The following RBCK1 variants were observed in gnomAD, a reference collection of about 807,000 sequenced individuals.
The protein encoded by RBCK1 is ranBP-type and C3HC4-type zinc finger-containing protein 1.
A neutral mutation model predicts 71.1 loss-of-function variants in RBCK1; 44 were observed. The ratio of observed to expected loss-of-function variants is 0.62; its 90% CI spans 0.49 to 0.80. RBCK1 has a LOEUF of 0.80. Among genes scored for constraint, RBCK1 ranks in the 30% least tolerant of loss-of-function variants. RBCK1 has a pLI of 0.00. For missense variants in RBCK1, 569 were observed against 685.0 expected (o/e 0.83, Z 1.89); for synonymous variants, 306 against 279.7 (o/e 1.09, Z -0.94).
chr20:421,434 G>A (rs1275496914), intron 7 of RBCK1, among the ~76,000 whole-genome samples: 1 of 152,234 alleles, frequency 6.6e-6, no homozygotes, highest in Non-Finnish European at 1.5e-5. Context: ...CCCTTGTGGA[G>A]CCGCCCCTGG....
chr20:420,947 A>T lies in RBCK1; in HGVS notation c.833A>T (p.Glu278Val), dbSNP rs758729708. 74 of 1,555,178 alleles carry T rather than the reference A, an allele frequency of 4.8e-5. No individual in the cohort carries two copies. Among genetic ancestry groups the T allele is most frequent in the Non-Finnish European group, 8.7e-6 (10 of 1,151,076 alleles). The change falls in exon 7 of 12, where the codon GAG (glutamate) becomes GTG (valine). Residue 278 changes from glutamate (E) to valine (V), a missense_variant. Physicochemically the swap from Glu to Val is moderately radical, Grantham distance 121. Transcript: ENST00000356286. ...LDQRSLVLNTEPAECPVCYSV... is the reference protein window; with the variant it reads ...LDQRSLVLNTVPAECPVCYSV... ...CAGAGGAGCCTGGTGCTGAACACGG[A>T]GCCCGCCGAGTGCCCCGTGTGCTAC...
intron 2 of RBCK1, among the ~76,000 whole-genome samples, chr20:411,503 G>A (rs886096864): frequency 6.6e-6 from 1 of 152,144 alleles, no homozygotes; most frequent in Non-Finnish European, 1.5e-5. Flanking sequence ...GAGTAGCTGG[G>A]ACTACAGGCG....
chr20:430,498 G>T lies in RBCK1; in HGVS notation c.*68G>T. 1 of 1,495,718 alleles carries T rather than the reference G, an allele frequency of 6.7e-7. No individual in the cohort carries two copies. The highest frequency in any genetic ancestry group is 2.3e-5 in the East Asian group (1 of 44,280). The allele number at this position is 1,495,718 out of a possible 1,614,324, so 92.7% of individuals were successfully genotyped here. A position where few individuals can be genotyped will look rare whatever the true frequency, so the allele number is the denominator to read the frequency against. On this transcript the variant is annotated 3_prime_UTR_variant, in exon 12 of 12. Coordinates refer to ENST00000356286, the MANE Select transcript of RBCK1 (RefSeq NM_031229.4). This position sits in a 1 kb window ranked among gnomAD's most constrained non-coding sequence, Gnocchi z 5.6. ...ACATTCTGTTAGAATGTAGCTCAGG[G>T]AGCTTCGTGGACGGCCTTGCTTGCT...
chr20:420,315 GAC>G, intron 6 of RBCK1: 2 of 983,448 alleles, frequency 2.0e-6, no homozygotes, highest in Non-Finnish European at 2.4e-6. Context: ...ACGCACTAAT[GAC>G]ACAGACATTG....
In RBCK1 at chr20:417,917, G is replaced by A. The variant is rs1472722384; in HGVS notation, c.447G>A (p.Leu149=). Residue 149 remains leucine, a synonymous_variant, in exon 4 of 12, where the codon CTG becomes CTA. Transcript: ENST00000356286. This position sits in a 1 kb window ranked among gnomAD's most constrained non-coding sequence, Gnocchi z 4.7. ...NPQELQRERQ[L]RMLEDLGFKD... ...AGGAGCTGCAGCGGGAGCGGCAGCT[G>A]CGGATGCTGGAAGGTGAGGCTCTGC... The A allele has an allele frequency of 6.2e-7, 1 of 1,607,432 alleles. No individual in the cohort carries two copies. The highest frequency in any genetic ancestry group is 1.1e-5 in the South Asian group (1 of 91,036).
At chr20:419,155 A>T (rs2016206037) in intron 4 of RBCK1, among the ~76,000 whole-genome samples, 192 bp from the exon 5 acceptor site, 2 of 152,208 alleles carry the variant, frequency 1.3e-5, no homozygotes, top group South Asian at 2.1e-4. Context: ...AGAAGCATTT[A>T]TCGGTGGAAT....
intron 4 of RBCK1, among the ~76,000 whole-genome samples, chr20:418,665 A>G (rs113621551): frequency 1.2e-4 from 18 of 152,258 alleles, no homozygotes; most frequent in East Asian, 5.8e-4. Context: ...ACCACGCCCA[A>G]CCCACATTTG....
At position 419,550 on chromosome 20, in the gene RBCK1, G is replaced by C. The variant is rs2016239772; in HGVS notation, c.583-8G>C. 6.2e-7 allele frequency: 1 copy of C among 1,606,474 alleles called. No individual in the cohort carries two copies. On this transcript the variant is annotated splice_polypyrimidine_tract_variant and splice_region_variant and intron_variant, in intron 5 of 11. Coordinates refer to ENST00000356286, the MANE Select transcript of RBCK1 (RefSeq NM_031229.4). ...CCCAGTCGGGCTCACAGCACCCTCT[G>C]CTCCCAGGTGGGCTGGCAGTGCCCC...
rs2122224025 is a variant in RBCK1 at position 417,403 on chromosome 20, GT to G, written c.168-122del. ...CTACCCCAGACTGGGGTTTGTGTGT[GT>G]GTGTGTGTGTGTGTGTGTGCATGGC... On this transcript the variant is annotated intron_variant, in intron 2 of 11. Transcript: ENST00000356286. The surrounding 1 kb of genome is among the most constrained non-coding windows in gnomAD (Gnocchi z 4.7). The G allele has an allele frequency of 1.2e-6, 1 of 843,914 alleles. No individual in the cohort carries two copies. The allele number at this position is 843,914 out of a possible 1,614,324, so 52.3% of individuals were successfully genotyped here. A position where few individuals can be genotyped will look rare whatever the true frequency, so the allele number is the denominator to read the frequency against.
chr20:418,529 C>T (rs533062130), intron 4 of RBCK1, among the ~76,000 whole-genome samples: 9 of 152,210 alleles, frequency 5.9e-5, no homozygotes, highest in East Asian at 5.8e-4. Context: ...CCACCACGCC[C>T]GGCTAATTTT....
chr20:421,077 C>G, intron 7 of RBCK1, 46 bp downstream of exon 7: 2 of 1,487,814 alleles, frequency 1.3e-6, no homozygotes, highest in Non-Finnish European at 1.8e-6. Context: ...TAATCAAAGC[C>G]GCCAATTACG....
chr20:429,174 C>A, intron 11 of RBCK1, 80 bp downstream of exon 11: 4 of 1,515,970 alleles, frequency 2.6e-6, no homozygotes, highest in Non-Finnish European at 3.5e-6. Context: ...AACTACAGCC[C>A]ATGGGCCATA....
chr20:423,287 G>A (rs1568562532), intron 8 of RBCK1, among the ~76,000 whole-genome samples: 1 of 152,162 alleles, frequency 6.6e-6, no homozygotes, highest in Admixed American at 6.5e-5. Flanking sequence ...CAACCAGAGC[G>A]AAACTCCGTC....
In RBCK1 at chr20:419,437, G is replaced by T; in HGVS notation, c.551G>T (p.Gly184Val). 6.2e-7 allele frequency: 1 copy of T among 1,609,256 alleles called. No individual in the cohort carries two copies. Among genetic ancestry groups the T allele is most frequent in the Non-Finnish European group, 8.5e-7 (1 of 1,178,130 alleles). Residue 184 changes from glycine (G) to valine (V), a missense_variant, in exon 5 of 12, where the codon GGG (glycine) becomes GTG (valine). Gly to Val is a moderately radical substitution (Grantham distance 109, BLOSUM62 -3). Around this residue, in one of 2 missense-constraint regions of RBCK1, gnomAD observed 358 missense variants for 375.6 expected, o/e 0.95. Transcript: ENST00000356286. ...KPGVPQEPGR[G>V]QPDAVPEPPP... ...GGGGTCCCCCAGGAACCCGGACGGG[G>T]GCAGCCAGATGCAGTGCCTGAGCCC...
intron 7 of RBCK1, 170 bp from the exon 8 acceptor site, chr20:421,957 G>T (rs2016461959): frequency 3.4e-6 from 2 of 587,278 alleles, no homozygotes; most frequent in Non-Finnish European, 6.1e-6. Flanking sequence ...CAGGGTGGAG[G>T]CCTTGGTGAT....
intron 1 of RBCK1, among the ~76,000 whole-genome samples, chr20:409,110 T>C (rs924901712): frequency 5.9e-5 from 9 of 152,330 alleles, no homozygotes; most frequent in South Asian, 2.1e-4. Context: ...TCTTGTCCCC[T>C]GCACCTAGGG....
chr20:430,997 G>GA lies in RBCK1; in HGVS notation c.*569dup, dbSNP rs1332921829. On this transcript the variant is annotated 3_prime_UTR_variant, in exon 12 of 12. Coordinates refer to ENST00000356286, the MANE Select transcript of RBCK1 (RefSeq NM_031229.4). The surrounding 1 kb of genome is among the most constrained non-coding windows in gnomAD (Gnocchi z 5.6). The stretch of plus-strand genomic sequence containing the variant: ...GAGTGTGATGTCCTTGAGAGGAAAT[G>GA]AATGTCCTGGCCTGGGACTCTACAC... The GA allele has an allele frequency of 6.5e-6, 1 of 153,838 alleles. No homozygotes were observed. The highest frequency in any genetic ancestry group is 6.4e-5 in the Admixed American group (1 of 15,552). 9.5% of individuals were successfully genotyped at this position (153,838 alleles called of 1,614,324 possible).
chr20:421,109 C>T (rs2016407341), intron 7 of RBCK1, 78 bp downstream of exon 7: 2 of 1,442,182 alleles, frequency 1.4e-6, no homozygotes, highest in East Asian at 2.6e-5. Context: ...GTGGGTGGGG[C>T]CCTGTGCTCT....
chr20:420,403 C>T (rs1176079792), intron 6 of RBCK1: 2 of 984,768 alleles, frequency 2.0e-6, no homozygotes, highest in Admixed American at 6.2e-5. Flanking sequence ...CTGCCCCTGG[C>T]CACCCCACTC....
Sources: allele counts gnomAD v4.1 joint callset (sites outside exome capture counted in the v4.1 genomes callset), GRCh38; gene constraint gnomAD v4.1.1; regional missense constraint gnomAD v4.1.1; non-coding constraint Gnocchi (gnomAD v3.1); transcripts MANE v1.5; gene names NCBI Gene and HGNC (gene_info 2026-07-23, HGNC 2026-07-21).